Variants in CCR9 observed in about 807,000 individuals in gnomAD.
CCR9 encodes the protein C-C motif chemokine receptor 9.
Under a neutral mutation model 8.7 loss-of-function variants are expected in CCR9, and 4 were observed. That is an observed-to-expected ratio of 0.46 (90% CI 0.23 to 1.06). CCR9 has a LOEUF of 1.06. Ranked by LOEUF, CCR9 falls within the 50% of genes least tolerant of loss-of-function variation. CCR9 has a pLI of 0.21. For synonymous variants in CCR9, 159 were observed against 168.8 expected, an observed-to-expected ratio of 0.94 and a Z score of 0.45; for missense variants, 394 against 453.6, an observed-to-expected ratio of 0.87 and a Z score of 1.19.
chr3:45,886,331 C>T (rs143241347), upstream of CCR9, among the ~76,000 whole-genome samples: 17 of 152,328 alleles, frequency 1.1e-4, no homozygotes, highest in Admixed American at 3.9e-4. Flanking sequence ...GCTCTTAGAT[C>T]ATCAGTCTGT....
intron 1 of CCR9, among the ~76,000 whole-genome samples, chr3:45,890,415 T>C (rs756258447): frequency 2.9e-5 from 4 of 137,094 alleles, no homozygotes; most frequent in Non-Finnish European, 6.2e-5. Flanking sequence ...AACCTCCGTA[T>C]TCCCCAAGCT....
intron 1 of CCR9, among the ~76,000 whole-genome samples, chr3:45,893,699 C>T (rs1702262250): frequency 6.6e-6 from 1 of 152,214 alleles, no homozygotes; most frequent in Admixed American, 6.5e-5. Context: ...ACTTGATGGA[C>T]ATTTAGGCTG....
Position 45,895,026 on chromosome 3 carries a change from G to T in CCR9, c.21+72G>T, listed in dbSNP as rs1374259009. On this transcript the variant is annotated intron_variant, in intron 2 of 2. Transcript: ENST00000357632. Reference sequence around the variant, plus strand: ...TTCCCTTTTTAGGGGGTGTGGGAAGGATCCACTGTGGGGGAAGGATTTATC... The same window carrying T: ...TTCCCTTTTTAGGGGGTGTGGGAAGTATCCACTGTGGGGGAAGGATTTATC... 11 of 1,441,100 alleles carry T rather than the reference G, an allele frequency of 7.6e-6. No individual in the cohort carries two copies. In the Admixed American group the frequency reaches 1.8e-4, roughly 24 times the overall value. 89.3% of individuals were successfully genotyped at this position (1,441,100 alleles called of 1,614,324 possible).
At chr3:45,892,301 G>T (rs967245996) in intron 1 of CCR9, among the ~76,000 whole-genome samples, 1 of 151,944 alleles carries the variant, frequency 6.6e-6, no homozygotes, top group Non-Finnish European at 1.5e-5. Context: ...CAAAAACATG[G>T]AATCAACCTA....
chr3:45,893,724 C>T (rs1310487531), intron 1 of CCR9, among the ~76,000 whole-genome samples: 3 of 152,172 alleles, frequency 2.0e-5, no homozygotes, highest in Non-Finnish European at 2.9e-5. Flanking sequence ...CAGTTTTTGC[C>T]TACCACAGAG....
intron 2 of CCR9, among the ~76,000 whole-genome samples, chr3:45,899,746 C>T (rs557518058): frequency 1.1e-4 from 17 of 152,182 alleles, no homozygotes; most frequent in African/African-American, 2.9e-4. Flanking sequence ...AGGCATGGCA[C>T]GGACTCTCCC....
chr3:45,890,256 G>GAAATATATATATATATTTATAT (rs1402612474), intron 1 of CCR9, among the ~76,000 whole-genome samples: 18,235 of 20,878 alleles, frequency 0.87, 8,437 homozygotes, highest in Middle Eastern at 0.97. Context: ...CTGGGTATTA[G>GAAATATATATATATATTTATAT]AAATATATAT....
rs1387118823 is a variant in CCR9 at position 45,900,793 on chromosome 3, C to T, written c.22-17C>T. Reference sequence around the variant, plus strand: ...AATATTTTCCTTGACCTAATGCCATCTTGTGTCCCCTTGCAGAGCCCTATT... The same window carrying T: ...AATATTTTCCTTGACCTAATGCCATTTTGTGTCCCCTTGCAGAGCCCTATT... On this transcript the variant is annotated splice_polypyrimidine_tract_variant and intron_variant, in intron 2 of 2. Coordinates refer to ENST00000357632, the MANE Select transcript of CCR9 (RefSeq NM_031200.3). This position sits in a 1 kb window ranked among gnomAD's most constrained non-coding sequence, Gnocchi z 4.7. 2 of 1,597,152 alleles carry T rather than the reference C, an allele frequency of 1.3e-6. No homozygotes were observed. Among genetic ancestry groups the T allele is most frequent in the African/African-American group, 2.7e-5 (2 of 74,616 alleles).
Position 45,900,932 on chromosome 3 carries a change from C to T in CCR9, c.144C>T (p.Ser48=). Residue 48 remains serine (S), a synonymous_variant, in exon 3 of 3, where the codon AGC becomes AGT. Coordinates refer to ENST00000357632, the MANE Select transcript of CCR9 (RefSeq NM_031200.3). The surrounding 1 kb of genome is among the most constrained non-coding windows in gnomAD (Gnocchi z 4.7). ...AAAACAATGTCAGGCAGTTTGCGAGCCATTTCCTCCCACCCTTGTACTGGC... is the reference window on the plus strand; with the variant it reads ...AAAACAATGTCAGGCAGTTTGCGAGTCATTTCCTCCCACCCTTGTACTGGC... The part of the protein sequence containing the change: ...CEKNNVRQFA[S]HFLPPLYWLV... The T allele has an allele frequency of 1.2e-6, 2 of 1,614,214 alleles. No homozygotes were observed. The highest frequency in any genetic ancestry group is 1.7e-6 in the Non-Finnish European group (2 of 1,180,044).
chr3:45,895,170 G>A, intron 2 of CCR9: 3 of 580,182 alleles, frequency 5.2e-6, no homozygotes, highest in Non-Finnish European at 6.1e-6. Context: ...GTATGTTGTG[G>A]AGACAGAGGA....
chr3:45,888,559 T>C (rs1425167923), intron 1 of CCR9, among the ~76,000 whole-genome samples: 1 of 152,232 alleles, frequency 6.6e-6, no homozygotes, highest in Non-Finnish European at 1.5e-5. Context: ...GGATGGCCCA[T>C]GGCACCTGCA....
intron 1 of CCR9, among the ~76,000 whole-genome samples, chr3:45,888,571 C>A (rs1170883265): frequency 6.6e-6 from 1 of 152,224 alleles, no homozygotes; most frequent in Non-Finnish European, 1.5e-5. Context: ...GCACCTGCAA[C>A]AAGGCCTCAC....
intron 1 of CCR9, among the ~76,000 whole-genome samples, chr3:45,890,335 A>AATT (rs367843336): frequency 1.6e-5 from 1 of 61,728 alleles, no homozygotes; most frequent in Non-Finnish European, 2.6e-5. Context: ...ATATATATAT[A>AATT]ACATATATAT....
At chr3:45,897,706 C>G (rs1301410260) in intron 2 of CCR9, 1 of 1,099,098 alleles carries the variant, frequency 9.1e-7, no homozygotes, top group Non-Finnish European at 1.3e-6. Flanking sequence ...GAACCAAAGT[C>G]GTCCCTTGTG....
chr3:45,897,439 A>C, intron 2 of CCR9: 1 of 709,684 alleles, frequency 1.4e-6, no homozygotes, highest in East Asian at 2.7e-5. Flanking sequence ...GCAGGACACA[A>C]TGTCCTTGTC....
Position 45,894,905 on chromosome 3 carries a change from G to T in CCR9, c.-28-1G>T, listed in dbSNP as rs1262362583. ...CTTTTTGATTTTTGTCCCTTTTCCAGGAGCAGGCTTGCATCTGACTGACCC... is the reference window on the plus strand; with the variant it reads ...CTTTTTGATTTTTGTCCCTTTTCCATGAGCAGGCTTGCATCTGACTGACCC... On this transcript the variant is annotated splice_acceptor_variant, in intron 1 of 2. Transcript: ENST00000357632. LOFTEE classifies it low-confidence loss of function (5UTR_SPLICE). 1.9e-6 allele frequency: 3 copies of T among 1,613,336 alleles called. No homozygotes were observed. The South Asian group carries it at 3.3e-5, about 18-fold the overall frequency.
In CCR9 at chr3:45,902,132, G is replaced by A; in HGVS notation, c.*234G>A. On this transcript the variant is annotated 3_prime_UTR_variant, in exon 3 of 3. Transcript: ENST00000357632. Reference sequence around the variant, plus strand: ...ACTGTGATGCCCGCAATTCTCAAAGGAGGACTAAGGACCGGCACTGTGGAG... The same window carrying A: ...ACTGTGATGCCCGCAATTCTCAAAGAAGGACTAAGGACCGGCACTGTGGAG... 2.2e-6 allele frequency: 1 copy of A among 462,564 alleles called. No homozygotes were observed. Among genetic ancestry groups the A allele is most frequent in the Non-Finnish European group, 3.9e-6 (1 of 254,658 alleles). 28.7% of individuals were successfully genotyped at this position (462,564 alleles called of 1,614,324 possible).
At position 45,902,548 on chromosome 3, in the gene CCR9, C is replaced by G. The variant is rs548505305; in HGVS notation, c.*650C>G. On this transcript the variant is annotated 3_prime_UTR_variant, in exon 3 of 3. Transcript: ENST00000357632. ...ACCCCTGGACAACTGACCACACCCA[C>G]AAGGCATCCAAAGTCTGTTGGCTTC... 1 of 167,362 alleles carries G rather than the reference C, an allele frequency of 6.0e-6. No individual in the cohort carries two copies. Among genetic ancestry groups the G allele is most frequent in the African/African-American group, 2.4e-5 (1 of 41,584 alleles). 10.4% of individuals were successfully genotyped at this position (167,362 alleles called of 1,614,324 possible).
At chr3:45,888,229 A>C (rs1375742257) in intron 1 of CCR9, among the ~76,000 whole-genome samples, 2 of 152,136 alleles carry the variant, frequency 1.3e-5, no homozygotes, top group Non-Finnish European at 2.9e-5. Flanking sequence ...TTCATGCCTT[A>C]GTGCATATGT....
Sources: allele counts gnomAD v4.1 joint callset (sites outside exome capture counted in the v4.1 genomes callset), GRCh38; gene constraint gnomAD v4.1.1; non-coding constraint Gnocchi (gnomAD v3.1); transcripts MANE v1.5; gene names NCBI Gene and HGNC (gene_info 2026-07-23, HGNC 2026-07-21).